The following DNAH14 variants were observed in gnomAD, a reference collection of about 807,000 sequenced individuals.
The protein encoded by DNAH14 is dynein axonemal heavy chain 14.
DNAH14 carries 478 observed loss-of-function variants against 520.9 expected under a neutral mutation model. That is an observed-to-expected ratio of 0.92 (90% CI 0.85 to 0.99). DNAH14 has a LOEUF of 0.99. Ranked by LOEUF, DNAH14 falls within the 50% of genes least tolerant of loss-of-function variation. The pLI is 0.00. For synonymous variants in DNAH14, 1,581 were observed against 1,757.2 expected (o/e 0.90, Z 2.51); for missense variants, 4,831 against 5,234.5 (o/e 0.92, Z 2.38).
intron 16 of DNAH14, 52 bp downstream of exon 16, chr1:225,050,428 C>T: frequency 1.4e-6 from 2 of 1,463,072 alleles, no homozygotes; most frequent in Non-Finnish European, 1.8e-6. Context: ...CAGAAACCCA[C>T]TGAATTCTTA....
chr1:225,205,042 A>G (rs2087345820), intron 39 of DNAH14, among the ~76,000 whole-genome samples: 1 of 152,106 alleles, frequency 6.6e-6, no homozygotes, highest in Non-Finnish European at 1.5e-5. Context: ...ATATTTTAAT[A>G]TCTTTTCAGT....
intron 8 of DNAH14, among the ~76,000 whole-genome samples, chr1:224,977,550 C>G (rs79739787): frequency 0.055 from 8,361 of 152,022 alleles, 464 homozygotes; most frequent in East Asian, 0.23. Context: ...GGGAAGGAAA[C>G]TTTTGGAGGT....
chr1:225,067,579 A>T (rs559685042), intron 17 of DNAH14, among the ~76,000 whole-genome samples: 1 of 152,228 alleles, frequency 6.6e-6, no homozygotes, highest in African/African-American at 2.4e-5. Flanking sequence ...TTACACTCTC[A>T]TCAACAGTGT....
chr1:225,115,104 G>A (rs567601527), intron 23 of DNAH14, among the ~76,000 whole-genome samples: 2 of 152,298 alleles, frequency 1.3e-5, no homozygotes, highest in East Asian at 3.9e-4. Context: ...TTGTCACTGA[G>A]ATGATGCATT....
intron 78 of DNAH14, 93 bp from the exon 79 acceptor site, chr1:225,377,144 C>T (rs2095711358): frequency 9.8e-7 from 1 of 1,020,808 alleles, no homozygotes; most frequent in African/African-American, 1.6e-5. Flanking sequence ...TCAAGCATTA[C>T]TGAAAGTAGG....
At chr1:225,199,762 G>A (rs899956128) in intron 38 of DNAH14, among the ~76,000 whole-genome samples, 1 of 150,074 alleles carries the variant, frequency 6.7e-6, no homozygotes, top group African/African-American at 2.5e-5. Context: ...CTCTCATATT[G>A]TCTATCTTGG....
intron 66 of DNAH14, among the ~76,000 whole-genome samples, chr1:225,335,118 C>CATAT (rs1368498450): frequency 6.2e-5 from 9 of 145,740 alleles, no homozygotes; most frequent in African/African-American, 1.8e-4. Context: ...TACATATATA[C>CATAT]ATGTGTACAT....
chr1:225,102,267 C>A (rs555485173), intron 23 of DNAH14, among the ~76,000 whole-genome samples: 106 of 152,196 alleles, frequency 7.0e-4, no homozygotes, highest in African/African-American at 2.2e-3. Flanking sequence ...ATATGTGCCA[C>A]ATTTTCTTAA....
At position 224,977,265 on chromosome 1, in the gene DNAH14, C is replaced by T. The variant is rs2125671478; in HGVS notation, c.830+3112C>T. ...AGAAACCAAACACCGCATGTTCTCA[C>T]TCATAGGTGGGAATTGAACAATGAG... On this transcript the variant is annotated intron_variant, in intron 8 of 85. Coordinates refer to ENST00000682510, the MANE Select transcript of DNAH14 (RefSeq NM_001367479.1). 2.1e-5 allele frequency among the ~76,000 whole-genome samples: 3 copies of T among 145,152 alleles called. No individual in the cohort carries two copies. In the Middle Eastern group the frequency reaches 0.012, roughly 567 times the overall value.
chr1:224,938,986 C>G (rs532459442), intron 1 of DNAH14, among the ~76,000 whole-genome samples: 4 of 152,140 alleles, frequency 2.6e-5, no homozygotes, highest in Admixed American at 1.3e-4. Flanking sequence ...AAAAGTGGCT[C>G]TCGTGCAAAT....
intron 38 of DNAH14, among the ~76,000 whole-genome samples, chr1:225,193,329 G>A (rs779373952): frequency 1.1e-4 from 17 of 152,040 alleles, no homozygotes; most frequent in Admixed American, 3.3e-4. Context: ...ATTCTCATTA[G>A]CAATAACTAG....
At chr1:225,059,240 T>C (rs1397713497) in intron 17 of DNAH14, among the ~76,000 whole-genome samples, 5 of 152,340 alleles carry the variant, frequency 3.3e-5, no homozygotes, top group Admixed American at 3.3e-4. Flanking sequence ...TTTAGGATAG[T>C]TAGCTCTTCT....
At chr1:225,048,082 C>G (rs2068129198) in intron 15 of DNAH14, among the ~76,000 whole-genome samples, 1 of 152,190 alleles carries the variant, frequency 6.6e-6, no homozygotes, top group South Asian at 2.1e-4. Context: ...CTCTCCATTC[C>G]CTTATCTGTG....
In DNAH14 at chr1:225,381,402, TTG is replaced by T. The variant is rs2095781823; in HGVS notation, c.12904_12905del (p.Val4302LeufsTer10). 1.9e-6 allele frequency: 3 copies of T among 1,548,440 alleles called. No homozygotes were observed. The highest frequency in any genetic ancestry group is 2.6e-6 in the Non-Finnish European group (3 of 1,146,442). ...NLKDHDPLIH[C>X]VLLTFLKQEI... ...ATCCAGATCACGACCCCCTTATCCA[TTG>T]TGTCTTGCTAACCTTTTTGAAGCAA... On this transcript the variant is annotated frameshift_variant, in exon 81 of 86. Coordinates refer to ENST00000682510, the MANE Select transcript of DNAH14 (RefSeq NM_001367479.1). LOFTEE classifies it high-confidence loss of function.
In DNAH14 at chr1:225,043,934, GT is replaced by G. The variant is rs569001107; in HGVS notation, c.1867del (p.Ser623GlnfsTer2). On this transcript the variant is annotated frameshift_variant, in exon 15 of 86. Transcript: ENST00000682510. LOFTEE classifies it high-confidence loss of function. Reference sequence around the variant, plus strand: ...TCTTTATAGATCCCAACAGATTGGAGTTTTCAGTAAAAATTCAAAATATGTT... The same window carrying G: ...TCTTTATAGATCCCAACAGATTGGAGTTTCAGTAAAAATTCAAAATATGTT... Reference protein sequence around the residue: ...NLFIDPNRLEFSVKIQNMLTN... With the variant: ...NLFIDPNRLEXSVKIQNMLTN... 7.2e-3 allele frequency: 10,996 copies of G among 1,524,766 alleles called. 68 individuals carry two copies. The highest frequency in any genetic ancestry group is 7.9e-3 in the Non-Finnish European group (8,917 of 1,128,746). 94.5% of individuals were successfully genotyped at this position (1,524,766 alleles called of 1,614,324 possible).
chr1:224,959,293 A>G (rs748080972), intron 3 of DNAH14, among the ~76,000 whole-genome samples: 3 of 152,034 alleles, frequency 2.0e-5, no homozygotes, highest in Admixed American at 6.6e-5. Context: ...TCATTACCCC[A>G]CAATTGAAAG....
In DNAH14 at chr1:225,040,950, A is replaced by G. The variant is rs1241170158; in HGVS notation, c.1489-1885A>G. Among the ~76,000 whole-genome samples, 3 of 152,206 alleles carry G rather than the reference A, an allele frequency of 2.0e-5. No homozygotes were observed. The East Asian group carries it at 5.8e-4, about 29-fold the overall frequency. ...AGTTTTAATTTGAATTTCCCTTATT[A>G]CTAGTTTGAGCATTTTTTCATGTAA... On this transcript the variant is annotated intron_variant, in intron 12 of 85. Transcript: ENST00000682510.
Position 224,929,698 on chromosome 1 carries a change from C to A in DNAH14, c.-171C>A. ...TGGTCAGGCGGTTACGGCCAGGAGGCGTCGGAGCCTGGCGTGGTAGGGCTG... is the reference window on the plus strand; with the variant it reads ...TGGTCAGGCGGTTACGGCCAGGAGGAGTCGGAGCCTGGCGTGGTAGGGCTG... On this transcript the variant is annotated 5_prime_UTR_variant, in exon 1 of 86. Transcript: ENST00000682510. 1.4e-6 allele frequency: 1 copy of A among 702,432 alleles called. No homozygotes were observed. The highest frequency in any genetic ancestry group is 2.7e-5 in the East Asian group (1 of 37,284). 43.5% of individuals were successfully genotyped at this position (702,432 alleles called of 1,614,324 possible). A position where few individuals can be genotyped will look rare whatever the true frequency, so the allele number is the denominator to read the frequency against.
Position 225,308,195 on chromosome 1 carries a change from C to T in DNAH14, c.9115-90C>T, listed in dbSNP as rs532699333. On this transcript the variant is annotated intron_variant, in intron 59 of 85. Transcript: ENST00000682510. ...TCAGGCTGATTTTAGTAAACTTTAC[C>T]ATAGTGAAATGAGATATTTGAATTG... The T allele has an allele frequency of 1.2e-5, 16 of 1,318,816 alleles. No individual in the cohort carries two copies. In the South Asian group the frequency reaches 1.9e-4, roughly 16 times the overall value. 81.7% of individuals were successfully genotyped at this position (1,318,816 alleles called of 1,614,324 possible). A position where few individuals can be genotyped will look rare whatever the true frequency, so the allele number is the denominator to read the frequency against.
Sources: allele counts gnomAD v4.1 joint callset (sites outside exome capture counted in the v4.1 genomes callset), GRCh38; gene constraint gnomAD v4.1.1; transcripts MANE v1.5; gene names NCBI Gene and HGNC (gene_info 2026-07-23, HGNC 2026-07-21).